SLC47A1: variants seen among roughly 807,000 people sequenced by gnomAD.
SLC47A1 encodes multidrug and toxin extrusion protein 1.
In SLC47A1, 58 loss-of-function variants were observed where a neutral mutation model predicts 65.8. That is an observed-to-expected ratio of 0.88 (90% confidence interval 0.71 to 1.10). The LOEUF (loss-of-function observed/expected upper bound fraction) is 1.10, where lower values mean the gene tolerates loss of function less well. Ranked by LOEUF, SLC47A1 falls within the 50% of genes least tolerant of loss-of-function variation. The pLI is 0.00. For synonymous variants in SLC47A1, 285 were observed against 295.0 expected (o/e 0.97, Z 0.35); for missense variants, 706 against 719.2 (o/e 0.98, Z 0.21).
intron 14 of SLC47A1, 50 bp from the exon 15 acceptor site, chr17:19,571,428 G>A (rs749606791): frequency 6.6e-7 from 1 of 1,513,834 alleles, no homozygotes; most frequent in Non-Finnish European, 9.1e-7. Context: ...CTCCCCAGGG[G>A]CAGCTGGTTT....
At chr17:19,571,706 T>A in intron 15 of SLC47A1, 134 bp downstream of exon 15, 1 of 673,396 alleles carries the variant, frequency 1.5e-6, no homozygotes, top group Non-Finnish European at 2.5e-6. Context: ...CTATTGTTCT[T>A]GTTGTTTTAA....
chr17:19,563,932 T>C (rs1597507724), intron 12 of SLC47A1, among the ~76,000 whole-genome samples: 1 of 151,904 alleles, frequency 6.6e-6, no homozygotes, highest in Admixed American at 6.6e-5. Context: ...GAGCTTGCAG[T>C]GAGCCGAGAT....
chr17:19,567,811 C>T (rs181906630), intron 14 of SLC47A1: 321 of 154,558 alleles, frequency 2.1e-3, no homozygotes, highest in Non-Finnish European at 3.8e-3. Context: ...CATCGCACTC[C>T]GCAGCCTCCA....
At chr17:19,555,559 G>T (rs1916578536) in intron 7 of SLC47A1, 34 bp from the exon 8 acceptor site, 1 of 1,596,742 alleles carries the variant, frequency 6.3e-7, no homozygotes, top group South Asian at 1.1e-5. Flanking sequence ...GGCGCAGGAA[G>T]GTACCTCCCT....
intron 10 of SLC47A1, 100 bp from the exon 11 acceptor site, chr17:19,560,088 C>A: frequency 1.2e-6 from 1 of 819,076 alleles, no homozygotes; most frequent in Non-Finnish European, 1.9e-6. Flanking sequence ...CTTTTAGGAC[C>A]AAGTTTTCCC....
At chr17:19,560,705 C>A (rs913128153) in intron 12 of SLC47A1, among the ~76,000 whole-genome samples, 59 of 151,600 alleles carry the variant, frequency 3.9e-4, no homozygotes, top group Non-Finnish European at 8.8e-5. Context: ...ATGGTGAAAC[C>A]CTATCTCTAC....
chr17:19,571,336 T>G, intron 14 of SLC47A1, 142 bp from the exon 15 acceptor site: 1 of 650,658 alleles, frequency 1.5e-6, no homozygotes, highest in Admixed American at 3.1e-5. Flanking sequence ...AGGATAGAGG[T>G]CTCTGGCCCG....
chr17:19,570,400 G>C (rs1269581774), intron 14 of SLC47A1, among the ~76,000 whole-genome samples: 2 of 152,206 alleles, frequency 1.3e-5, no homozygotes, highest in African/African-American at 4.8e-5. Flanking sequence ...GTGGATAAAA[G>C]GGGAGGCTGC....
chr17:19,549,738 A>G (rs1465915860), intron 5 of SLC47A1, 61 bp downstream of exon 5: 1 of 1,556,424 alleles, frequency 6.4e-7, no homozygotes, highest in Non-Finnish European at 8.9e-7. Flanking sequence ...GGTAGCCACC[A>G]TATCTGTGAG....
intron 16 of SLC47A1, 147 bp downstream of exon 16, chr17:19,573,008 C>T: frequency 1.4e-6 from 1 of 692,200 alleles, no homozygotes; most frequent in Non-Finnish European, 2.5e-6. Context: ...AGCCAAGTAA[C>T]ACACAATTCA....
At chr17:19,559,623 C>T (rs1450212198) in intron 10 of SLC47A1, among the ~76,000 whole-genome samples, 2 of 152,170 alleles carry the variant, frequency 1.3e-5, no homozygotes, top group African/African-American at 4.8e-5. Flanking sequence ...CCTCCGCCTC[C>T]CAGGTTCAAG....
chr17:19,574,010 C>T (rs1368170493), intron 16 of SLC47A1, among the ~76,000 whole-genome samples: 2 of 151,652 alleles, frequency 1.3e-5, no homozygotes, highest in Non-Finnish European at 2.9e-5. Context: ...GCAACCTCCG[C>T]CTCCCGGGTT....
chr17:19,566,940 A>G lies in SLC47A1; in HGVS notation c.1176+81A>G. 3.1e-6 allele frequency: 5 copies of G among 1,589,440 alleles called. No homozygotes were observed. The South Asian group carries it at 5.5e-5, about 18-fold the overall frequency. ...ATTTCAGCTGAGAGGAGGGGCCAGCATAGGTAGGAAGATTGAATATTGTTA... is the reference window on the plus strand; with the variant it reads ...ATTTCAGCTGAGAGGAGGGGCCAGCGTAGGTAGGAAGATTGAATATTGTTA... On this transcript the variant is annotated intron_variant, in intron 13 of 16. Coordinates refer to ENST00000270570, the MANE Select transcript of SLC47A1 (RefSeq NM_018242.3).
intron 12 of SLC47A1, among the ~76,000 whole-genome samples, chr17:19,566,528 C>T (rs1336381108): frequency 6.6e-6 from 1 of 152,060 alleles, no homozygotes; most frequent in Admixed American, 6.6e-5. Flanking sequence ...CGGGTTCAAG[C>T]GATTCTCCTG....
intron 16 of SLC47A1, among the ~76,000 whole-genome samples, chr17:19,575,544 G>A (rs2084433129): frequency 6.6e-6 from 1 of 152,012 alleles, no homozygotes; most frequent in South Asian, 2.1e-4. Context: ...GATTACAGGT[G>A]CGTGCCACTA....
chr17:19,546,403 C>A (rs935312890), intron 2 of SLC47A1, 32 bp from the exon 3 acceptor site: 1 of 1,609,190 alleles, frequency 6.2e-7, no homozygotes, highest in Non-Finnish European at 8.5e-7. Context: ...TCCTTTAACT[C>A]TATAGGGCCT....
intron 1 of SLC47A1, among the ~76,000 whole-genome samples, chr17:19,537,734 C>T (rs534604325): frequency 1.3e-5 from 2 of 152,212 alleles, no homozygotes; most frequent in Non-Finnish European, 2.9e-5. Flanking sequence ...GCCTCCTGCT[C>T]AGAACCCTTT....
chr17:19,546,291 G>C (rs1916289377), intron 2 of SLC47A1, 144 bp from the exon 3 acceptor site: 1 of 710,538 alleles, frequency 1.4e-6, no homozygotes. Context: ...GTATGAGTGG[G>C]GTCCAGGCAG....
rs2084448511 is a variant in SLC47A1, at chr17:19,577,317, T to C, written c.1487-10T>C. The C allele has an allele frequency of 6.2e-7, 1 of 1,612,804 alleles. No individual in the cohort carries two copies. Among genetic ancestry groups the C allele is most frequent in the East Asian group, 2.2e-5 (1 of 44,894 alleles). ...CCCTTTTAAGCTGCTAAGTTCCTTT[T>C]TCCTCCCAGGGTGCCCTGAAAACCT... is the stretch of plus-strand genomic sequence containing the variant. On this transcript the variant is annotated splice_polypyrimidine_tract_variant and intron_variant, in intron 16 of 16. Transcript: ENST00000270570.
Sources: allele counts gnomAD v4.1 joint callset (sites outside exome capture counted in the v4.1 genomes callset), GRCh38; gene constraint gnomAD v4.1.1; transcripts MANE v1.5; gene names NCBI Gene and HGNC (gene_info 2026-07-23, HGNC 2026-07-21).